Variants in CDC42BPA observed in about 807,000 individuals in gnomAD.
CDC42BPA encodes the protein serine/threonine-protein kinase MRCK alpha.
In CDC42BPA, 80 loss-of-function variants were observed where a neutral mutation model predicts 223.5. The ratio of observed to expected loss-of-function variants is 0.36; its 90% confidence interval spans 0.30 to 0.43. CDC42BPA has a LOEUF of 0.43. CDC42BPA is among the 20% of genes least tolerant of loss of function. CDC42BPA has a pLI of 1.00. For synonymous variants in CDC42BPA, 694 were observed against 718.6 expected, an observed-to-expected ratio of 0.97 and a Z score of 0.55; for missense variants, 1,743 against 2,099.9, an observed-to-expected ratio of 0.83 and a Z score of 3.32.
At chr1:227,200,456 CGAAA>C (rs1422822260) in intron 3 of CDC42BPA, among the ~76,000 whole-genome samples, 3 of 122,916 alleles carry the variant, frequency 2.4e-5, no homozygotes, top group Non-Finnish European at 5.3e-5. Context: ...AAAAAAAAAA[CGAAA>C]GAAAGAAAGA....
chr1:227,310,528 A>T (rs1281658171), intron 1 of CDC42BPA, among the ~76,000 whole-genome samples: 1 of 152,178 alleles, frequency 6.6e-6, no homozygotes, highest in Non-Finnish European at 1.5e-5. Flanking sequence ...AGCCAATAGA[A>T]GATTAGCCAT....
intron 10 of CDC42BPA, among the ~76,000 whole-genome samples, chr1:227,138,522 G>T: frequency 3.7e-4 from 1 of 2,692 alleles, no homozygotes. Context: ...TGCCCCAGAA[G>T]CCAAAAAAAA....
At chr1:227,163,742 AAT>A (rs1553372070) in intron 5 of CDC42BPA, among the ~76,000 whole-genome samples, 17 of 142,672 alleles carry the variant, frequency 1.2e-4, no homozygotes, top group East Asian at 6.6e-4. Context: ...AAAAAAAAAA[AAT>A]ATATATATAT....
At chr1:227,138,537 A>AAAAAAAAAAAGG (rs1659075130) in intron 10 of CDC42BPA, among the ~76,000 whole-genome samples, 1 of 150,690 alleles carries the variant, frequency 6.6e-6, no homozygotes, top group African/African-American at 2.4e-5. Context: ...AAAAAAAAAA[A>AAAAAAAAAAAGG]GAGAGCGTTA....
At chr1:227,154,948 G>C (rs1042435855) in intron 6 of CDC42BPA, among the ~76,000 whole-genome samples, 7 of 152,088 alleles carry the variant, frequency 4.6e-5, no homozygotes, top group Non-Finnish European at 8.8e-5. Context: ...TAATTTTAGA[G>C]CAAGAAAAAG....
rs140695907 is a variant in CDC42BPA at position 227,077,589 on chromosome 1, C to T, written c.2481-3225G>A. ...CCTTAAAAAGATCTCAACCACTTCA[C>T]TGGCCTTATTCACAAGGAATTTAAT... On this transcript the variant is annotated intron_variant, in intron 17 of 36. Coordinates refer to ENST00000366766, the MANE Select transcript of CDC42BPA (RefSeq NM_001394014.1). 3.5e-3 allele frequency among the ~76,000 whole-genome samples: 533 copies of T among 152,300 alleles called. 2 individuals carry two copies. Among genetic ancestry groups the T allele is most frequent in the Non-Finnish European group, 5.8e-3 (396 of 67,998 alleles).
At chr1:227,276,856 T>G (rs1027578668) in intron 1 of CDC42BPA, among the ~76,000 whole-genome samples, 1 of 152,102 alleles carries the variant, frequency 6.6e-6, no homozygotes, top group Non-Finnish European at 1.5e-5. Flanking sequence ...TGTGCTTTGT[T>G]AAACAGATGC....
At chr1:227,144,574 C>CTCAAAAAAAA (rs1660340998) in intron 8 of CDC42BPA, among the ~76,000 whole-genome samples, 1 of 63,476 alleles carries the variant, frequency 1.6e-5, no homozygotes, top group Non-Finnish European at 2.7e-5. Context: ...GACTCTGTCT[C>CTCAAAAAAAA]AAAAAAAAAA....
intron 5 of CDC42BPA, among the ~76,000 whole-genome samples, chr1:227,163,140 GTA>G (rs67039954): frequency 0.7 from 104,669 of 150,042 alleles, 36,366 homozygotes; most frequent in South Asian, 0.73. Context: ...ATATGTGTGT[GTA>G]TGTTTCCAAA....
At chr1:227,243,343 C>A (rs1032535001) in intron 2 of CDC42BPA, among the ~76,000 whole-genome samples, 2 of 152,132 alleles carry the variant, frequency 1.3e-5, no homozygotes, top group African/African-American at 4.8e-5. Context: ...AAAAAGACTT[C>A]TACATTGAAA....
Position 227,082,714 on chromosome 1 carries a change from C to CAAAAAAAAAAA in CDC42BPA, c.2356-1708_2356-1698dup, listed in dbSNP as rs71574595. 6.7e-5 allele frequency among the ~76,000 whole-genome samples: 4 copies of CAAAAAAAAAAA among 59,524 alleles called. 1 individual carries two copies. In the South Asian group the frequency reaches 2.6e-3, roughly 39 times the overall value. 39.1% of individuals were successfully genotyped at this position (59,524 alleles called of 152,430 possible). ...TGGGTGACAGAATGAGACTCTGTCT[C>CAAAAAAAAAAA]AAAAAAAAAAAAAAAAAAAAAAAAA... On this transcript the variant is annotated intron_variant, in intron 16 of 36. Coordinates refer to ENST00000366766, the MANE Select transcript of CDC42BPA (RefSeq NM_001394014.1).
chr1:227,140,575 TGAGTA>T (rs1200085693), intron 9 of CDC42BPA, among the ~76,000 whole-genome samples: 1 of 151,928 alleles, frequency 6.6e-6, no homozygotes, highest in Non-Finnish European at 1.5e-5. Flanking sequence ...TGGATGGAGT[TGAGTA>T]AACAAGGAAA....
At chr1:227,233,682 A>G (rs1339167408) in intron 2 of CDC42BPA, among the ~76,000 whole-genome samples, 1 of 152,138 alleles carries the variant, frequency 6.6e-6, no homozygotes, top group Non-Finnish European at 1.5e-5. Context: ...GCCTGTAATC[A>G]CAGAATTTTG....
intron 5 of CDC42BPA, among the ~76,000 whole-genome samples, chr1:227,188,928 A>T (rs771594130): frequency 6.6e-6 from 1 of 151,972 alleles, no homozygotes; most frequent in Non-Finnish European, 1.5e-5. Flanking sequence ...ATAGTGGGGG[A>T]GGCTGTGCGT....
chr1:227,160,850 A>C (rs1345659471), intron 5 of CDC42BPA, among the ~76,000 whole-genome samples: 1 of 152,210 alleles, frequency 6.6e-6, no homozygotes, highest in Non-Finnish European at 1.5e-5. Context: ...AGAGATAAAA[A>C]GTAGTGTGGT....
intron 21 of CDC42BPA, among the ~76,000 whole-genome samples, chr1:227,057,365 G>T (rs201924402): frequency 4.6e-5 from 7 of 151,538 alleles, no homozygotes; most frequent in African/African-American, 7.3e-5. Context: ...ACATTTCATA[G>T]TTAATTTTAA....
intron 1 of CDC42BPA, among the ~76,000 whole-genome samples, chr1:227,269,363 A>G (rs928695087): frequency 6.6e-6 from 1 of 152,250 alleles, no homozygotes; most frequent in Non-Finnish European, 1.5e-5. Context: ...CACACGACTC[A>G]AAAAATAATG....
chr1:227,060,021 TTTTTTTTTG>T (rs1233070297), intron 21 of CDC42BPA, among the ~76,000 whole-genome samples: 7 of 57,676 alleles, frequency 1.2e-4, no homozygotes, highest in East Asian at 7.2e-4. Flanking sequence ...TCTCAAAAAG[TTTTTTTTTG>T]TTTTTTTTTT....
At chr1:227,283,715 T>C (rs1688365145) in intron 1 of CDC42BPA, among the ~76,000 whole-genome samples, 1 of 152,168 alleles carries the variant, frequency 6.6e-6, no homozygotes, top group Non-Finnish European at 1.5e-5. Flanking sequence ...CCCCCCACCA[T>C]TATGCATGTA....
Sources: gnomAD v4.1 joint callset for allele counts (sites outside exome capture counted in the v4.1 genomes callset) on GRCh38, gnomAD v4.1.1 for gene constraint, MANE v1.5 for transcripts, NCBI Gene and HGNC (gene_info 2026-07-23, HGNC 2026-07-21) for gene names.